The following ATRX variants were observed in gnomAD, a reference collection of about 807,000 sequenced individuals.
ATRX encodes the protein chromatin remodeler ATRX.
Under a neutral mutation model 172.6 loss-of-function variants are expected in ATRX, and 12 were observed. That is an observed-to-expected ratio of 0.07 (90% CI 0.04 to 0.11). The LOEUF (loss-of-function observed/expected upper bound fraction) is 0.11, where lower values mean the gene tolerates loss of function less well. ATRX is among the 10% of genes least tolerant of loss of function. The pLI is 1.00. For synonymous variants in ATRX, 674 were observed against 594.7 expected, an observed-to-expected ratio of 1.13 and a Z score of -1.94; for missense variants, 1,368 against 1,767.4, an observed-to-expected ratio of 0.77 and a Z score of 4.05.
intron 28 of ATRX, among the ~76,000 whole-genome samples, chrX:77,566,938 G>A (rs1296611041): frequency 9.0e-6 from 1 of 111,557 alleles, no homozygotes; most frequent in Non-Finnish European, 1.9e-5. Context: ...GACTGATATG[G>A]TTAAACACTT....
At chrX:77,767,089 G>A (rs1415986302) in intron 1 of ATRX, among the ~76,000 whole-genome samples, 3 of 112,175 alleles carry the variant, frequency 2.7e-5, no homozygotes, top group Non-Finnish European at 3.8e-5. Context: ...GTGTGGTGGC[G>A]CGCGCCTGCA....
Position 77,664,562 on chromosome X carries a change from T to G in ATRX, c.3943+83A>C, listed in dbSNP as rs1444005983. The G allele has an allele frequency of 1.6e-5, 19 of 1,156,899 alleles. No homozygotes were observed. The African/African-American group carries it at 3.2e-4, about 20-fold the overall frequency. On this transcript the variant is annotated intron_variant, in intron 11 of 34. Coordinates refer to ENST00000373344, the MANE Select transcript of ATRX (RefSeq NM_000489.6). ...CACCACGCCGGGCCATATTAAGATA[T>G]TTCTTGGTCAGATATTCTTCAAAGA...
intron 34 of ATRX, among the ~76,000 whole-genome samples, chrX:77,515,266 C>T (rs1353604718): frequency 2.7e-5 from 3 of 111,669 alleles, no homozygotes; most frequent in Non-Finnish European, 5.6e-5. Flanking sequence ...TTCAAAGGAA[C>T]ATACATTGTT....
chrX:77,577,169 A>AT (rs1458154812), intron 27 of ATRX, among the ~76,000 whole-genome samples: 4 of 111,317 alleles, frequency 3.6e-5, no homozygotes, highest in African/African-American at 1.3e-4. Flanking sequence ...TGGTAATACT[A>AT]TTTTTAATTT....
rs1557032761 is a variant in ATRX, at chrX:77,505,946, A to G, written c.*2405T>C. 1 of 168,642 alleles carries G rather than the reference A, an allele frequency of 5.9e-6. No individual in the cohort carries two copies. Among genetic ancestry groups the G allele is most frequent in the East Asian group, 8.6e-5 (1 of 11,643 alleles). 13.9% of individuals were successfully genotyped at this position (168,642 alleles called of 1,213,427 possible). A position where few individuals can be genotyped will look rare whatever the true frequency, so the allele number is the denominator to read the frequency against. The stretch of plus-strand genomic sequence containing the variant: ...ACTGAAAAGCAGTCTAACAGAAACA[A>G]AGGCAAGTCTTCACAGCTGTATGAT... On this transcript the variant is annotated 3_prime_UTR_variant, in exon 35 of 35. Coordinates refer to ENST00000373344, the MANE Select transcript of ATRX (RefSeq NM_000489.6).
chrX:77,699,624 A>T (rs1315405573), intron 2 of ATRX: 1 of 111,816 alleles, frequency 8.9e-6, no homozygotes, highest in Admixed American at 9.5e-5. Context: ...TACTAATCTT[A>T]CTGAAATAAA....
chrX:77,653,418 T>G (rs967493820), intron 14 of ATRX, among the ~76,000 whole-genome samples: 21 of 111,702 alleles, frequency 1.9e-4, no homozygotes, highest in Non-Finnish European at 3.8e-5. Context: ...ACCTAGAAAA[T>G]ATTATGTCAA....
chrX:77,562,995 G>A (rs782627140), intron 28 of ATRX, among the ~76,000 whole-genome samples: 1 of 112,705 alleles, frequency 8.9e-6, no homozygotes, highest in Non-Finnish European at 1.9e-5. Flanking sequence ...CATTCTGAAT[G>A]AGTCCTTTGT....
chrX:77,664,570 T>G (rs1170247016), intron 11 of ATRX, 75 bp downstream of exon 11: 3 of 1,163,653 alleles, frequency 2.6e-6, no homozygotes, highest in African/African-American at 3.6e-5. Context: ...TATTTCTTGG[T>G]CAGATATTCT....
At chrX:77,733,648 C>T (rs1230144862) in intron 1 of ATRX, among the ~76,000 whole-genome samples, 4 of 96,703 alleles carry the variant, frequency 4.1e-5, no homozygotes, top group Non-Finnish European at 8.1e-5. Flanking sequence ...GCAGACGGAT[C>T]ACTTGAGGTC....
chrX:77,515,407 A>G (rs375369353), intron 34 of ATRX, among the ~76,000 whole-genome samples: 1 of 111,130 alleles, frequency 9.0e-6, no homozygotes, highest in Non-Finnish European at 1.9e-5. Flanking sequence ...AAAATAAAGA[A>G]AAAGTTCAGG....
intron 30 of ATRX, among the ~76,000 whole-genome samples, chrX:77,536,067 G>A (rs2063740498): frequency 9.4e-6 from 1 of 106,138 alleles, no homozygotes; most frequent in Admixed American, 1.0e-4. Context: ...AGAGACAGGG[G>A]CTCGCTATGT....
intron 2 of ATRX, among the ~76,000 whole-genome samples, chrX:77,710,927 A>T (rs933213108): frequency 2.3e-5 from 2 of 86,065 alleles, no homozygotes; most frequent in East Asian, 7.4e-4. Context: ...AAATGTATAG[A>T]ACTTTAACAC....
intron 1 of ATRX, among the ~76,000 whole-genome samples, chrX:77,732,478 C>A (rs906112380): frequency 1.8e-5 from 2 of 111,887 alleles, no homozygotes; most frequent in Non-Finnish European, 3.8e-5. Context: ...GACAAAAACA[C>A]ATCAAAAAAA....
At chrX:77,629,318 G>C (rs1320059888) in intron 19 of ATRX, among the ~76,000 whole-genome samples, 2 of 112,507 alleles carry the variant, frequency 1.8e-5, no homozygotes, top group Non-Finnish European at 3.7e-5. Flanking sequence ...GGAAAATTAA[G>C]TGTTATACTG....
In ATRX at chrX:77,600,542, A is replaced by G. The variant is rs192385704; in HGVS notation, c.5589T>C (p.Gly1863=). The G allele has an allele frequency of 1.7e-6, 2 of 1,209,061 alleles. No homozygotes were observed. Among genetic ancestry groups the G allele is most frequent in the African/African-American group, 3.5e-5 (2 of 57,227 alleles). Residue 1863 remains glycine, a synonymous_variant, in exon 23 of 35, where the codon GGT becomes GGC. Coordinates refer to ENST00000373344, the MANE Select transcript of ATRX (RefSeq NM_000489.6). Reference sequence around the variant, plus strand: ...GCTTTGCACCTGCCTTTCCTCTTCCACCTTCACTATTATTGCCCACACCTG... The same window carrying G: ...GCTTTGCACCTGCCTTTCCTCTTCCGCCTTCACTATTATTGCCCACACCTG... The part of the protein sequence containing the change: ...HLTGVGNNSE[G]GRGKAGAKLF...
At chrX:77,652,567 C>T (rs1191412486) in intron 14 of ATRX, among the ~76,000 whole-genome samples, 1 of 106,645 alleles carries the variant, frequency 9.4e-6, no homozygotes, top group Non-Finnish European at 1.9e-5. Context: ...TTTGGGAGGC[C>T]GAGGCGGGTG....
chrX:77,533,098 T>C (rs911119713), intron 30 of ATRX, among the ~76,000 whole-genome samples: 1 of 112,328 alleles, frequency 8.9e-6, no homozygotes, highest in East Asian at 2.8e-4. Flanking sequence ...AGATACCATC[T>C]GATGCCAATC....
chrX:77,593,604 G>A (rs1471203570), intron 26 of ATRX, 92 bp downstream of exon 26: 9 of 969,442 alleles, frequency 9.3e-6, no homozygotes, highest in Non-Finnish European at 1.3e-5. Context: ...AGGAAGGAAG[G>A]AAAAGCAACA....
Sources: gnomAD v4.1 joint callset for allele counts (sites outside exome capture counted in the v4.1 genomes callset) on GRCh38, gnomAD v4.1.1 for gene constraint, MANE v1.5 for transcripts, NCBI Gene and HGNC (gene_info 2026-07-23, HGNC 2026-07-21) for gene names.